The following PLA2R1 variants were observed in gnomAD, a reference collection of about 807,000 sequenced individuals.
PLA2R1 encodes the protein phospholipase A2 receptor 1.
Under a neutral mutation model 195.9 loss-of-function variants are expected in PLA2R1, and 158 were observed. The observed-to-expected ratio is 0.81, with a 90% CI of 0.71 to 0.92. The LOEUF is 0.92. Ranked by LOEUF, PLA2R1 falls within the 40% of genes least tolerant of loss-of-function variation. PLA2R1 has a pLI of 0.00. For missense variants in PLA2R1, 1,626 were observed against 1,764.6 expected, an observed-to-expected ratio of 0.92 and a Z score of 1.41; for synonymous variants, 586 against 598.2, an observed-to-expected ratio of 0.98 and a Z score of 0.30.
intron 3 of PLA2R1, among the ~76,000 whole-genome samples, chr2:160,033,667 G>C (rs543445739): frequency 6.6e-6 from 1 of 152,216 alleles, no homozygotes; most frequent in Non-Finnish European, 1.5e-5. Context: ...TTTCAGCCAA[G>C]AGGAATAGAA....
rs113782657 is a variant in PLA2R1 at position 159,934,894 on chromosome 2, C to T, written c.*6884G>A. 3.3e-5 allele frequency: 5 copies of T among 152,330 alleles called. No individual in the cohort carries two copies. Among genetic ancestry groups the T allele is most frequent in the African/African-American group, 1.2e-4 (5 of 41,570 alleles). The allele number at this position is 152,330 out of a possible 1,614,324, so 9.4% of individuals were successfully genotyped here. On this transcript the variant is annotated 3_prime_UTR_variant, in exon 30 of 30. Coordinates refer to ENST00000283243, the MANE Select transcript of PLA2R1 (RefSeq NM_007366.5). ...CCCATTTTCCCATAATGACCATTTT[C>T]TGTTCCATGATCCATTTGAGGATTT...
In PLA2R1 at chr2:159,939,392, G is replaced by A. The variant is rs1560124358; in HGVS notation, c.*2386C>T. 6.6e-6 allele frequency: 1 copy of A among 151,538 alleles called. No homozygotes were observed. Among genetic ancestry groups the A allele is most frequent in the Admixed American group, 6.6e-5 (1 of 15,152 alleles). 9.4% of individuals were successfully genotyped at this position (151,538 alleles called of 1,614,324 possible). On this transcript the variant is annotated 3_prime_UTR_variant, in exon 30 of 30. Transcript: ENST00000283243. ...ATGGTGGCATGTGCCTGTAATCACA[G>A]CTACTCGGGAGGCTGAGGCAGGAAA...
intron 28 of PLA2R1, among the ~76,000 whole-genome samples, chr2:159,942,582 T>C (rs1574635445): frequency 6.6e-6 from 1 of 152,224 alleles, no homozygotes. Context: ...TGGGATCTTA[T>C]ATGGAGTTTG....
chr2:159,978,745 A>G (rs1013906125), intron 14 of PLA2R1, among the ~76,000 whole-genome samples: 4 of 152,054 alleles, frequency 2.6e-5, no homozygotes, highest in Non-Finnish European at 5.9e-5. Context: ...AGAAAAATGG[A>G]TTAGTGGGGC....
chr2:160,017,493 A>G (rs1692844296), intron 8 of PLA2R1, among the ~76,000 whole-genome samples: 1 of 152,134 alleles, frequency 6.6e-6, no homozygotes, highest in African/African-American at 2.4e-5. Context: ...AATTCCTGGA[A>G]GCTACCATGA....
rs149314383 is a variant in PLA2R1 at position 159,936,372 on chromosome 2, T to A, written c.*5406A>T. 6.6e-6 allele frequency: 1 copy of A among 152,334 alleles called. No homozygotes were observed. The highest frequency in any genetic ancestry group is 1.5e-5 in the Non-Finnish European group (1 of 68,024). The allele number at this position is 152,334 out of a possible 1,614,324, so 9.4% of individuals were successfully genotyped here. A position where few individuals can be genotyped will look rare whatever the true frequency, so the allele number is the denominator to read the frequency against. ...ACAATTGATCAGAACAAAATAAATA[T>A]GTTACAAAGATTAAGATAGTATATG... On this transcript the variant is annotated 3_prime_UTR_variant, in exon 30 of 30. Transcript: ENST00000283243.
At chr2:159,965,042 G>T (rs1688695311) in intron 20 of PLA2R1, among the ~76,000 whole-genome samples, 1 of 149,430 alleles carries the variant, frequency 6.7e-6, no homozygotes, top group Non-Finnish European at 1.5e-5. Flanking sequence ...AAACCAGGAA[G>T]GTACAGAGAT....
Position 160,005,790 on chromosome 2 carries a change from T to C in PLA2R1, c.1696A>G (p.Ser566Gly). ...FEQAFITSLI[S>G]SVVKMKDSYF... Reference sequence around the variant, plus strand: ...CTGTCCTTCATTTTTACCACACTACTGATCAAACTGGTAATAAAAGCCTGT... The same window carrying C: ...CTGTCCTTCATTTTTACCACACTACCGATCAAACTGGTAATAAAAGCCTGT... The change falls in exon 11 of 30, where the codon AGT becomes GGT. Residue 566 changes from serine to glycine, a missense_variant. By Grantham distance (56) the Ser-to-Gly change is moderately conservative. Transcript: ENST00000283243. The C allele has an allele frequency of 6.2e-7, 1 of 1,612,740 alleles. No individual in the cohort carries two copies.
At chr2:160,054,765 CAAT>C (rs1187108810) in intron 1 of PLA2R1, among the ~76,000 whole-genome samples, 1 of 151,968 alleles carries the variant, frequency 6.6e-6, no homozygotes, top group African/African-American at 2.4e-5. Flanking sequence ...ATTTTATGAA[CAAT>C]AATATTTCTT....
chr2:160,017,759 C>T (rs1047236048), intron 8 of PLA2R1, among the ~76,000 whole-genome samples: 1 of 152,162 alleles, frequency 6.6e-6, no homozygotes, highest in African/African-American at 2.4e-5. Context: ...TAAAGTTACA[C>T]AATTCAAATT....
At chr2:159,925,244 G>A in the PLA2R1 span, among the ~76,000 whole-genome samples, 2 of 152,108 alleles carry the variant, frequency 1.3e-5, no homozygotes, top group East Asian at 3.9e-4. Context: ...TTGTGTTACG[G>A]CAATGGTAAG....
At chr2:159,966,469 T>C (rs916017166) in intron 20 of PLA2R1, among the ~76,000 whole-genome samples, 1 of 152,170 alleles carries the variant, frequency 6.6e-6, no homozygotes, top group East Asian at 1.9e-4. Context: ...TGAATGACAG[T>C]GTGAGTATGT....
chr2:159,946,464 C>T, intron 27 of PLA2R1: 1 of 1,010,144 alleles, frequency 9.9e-7, no homozygotes, highest in Non-Finnish European at 1.2e-6. Context: ...GCTTTTATAA[C>T]ATTTAGAAAC....
At chr2:159,950,940 T>C (rs1298587242) in intron 24 of PLA2R1, among the ~76,000 whole-genome samples, 3 of 152,240 alleles carry the variant, frequency 2.0e-5, no homozygotes, top group Non-Finnish European at 2.9e-5. Flanking sequence ...AACTAATTAA[T>C]AATCACATTT....
At chr2:159,955,039 A>C (rs891267448) in intron 23 of PLA2R1, among the ~76,000 whole-genome samples, 160 bp downstream of exon 23, 1 of 152,218 alleles carries the variant, frequency 6.6e-6, no homozygotes, top group Non-Finnish European at 1.5e-5. Flanking sequence ...AGGGTAGAGG[A>C]GATTAAATAA....
chr2:159,928,309 C>T (rs1686528935), downstream of PLA2R1, among the ~76,000 whole-genome samples: 1 of 152,192 alleles, frequency 6.6e-6, no homozygotes, highest in African/African-American at 2.4e-5. Flanking sequence ...GTGAGACTGC[C>T]CACACCTATG....
chr2:159,951,095 T>C (rs1687709757), intron 24 of PLA2R1, among the ~76,000 whole-genome samples: 1 of 152,206 alleles, frequency 6.6e-6, no homozygotes, highest in Admixed American at 6.5e-5. Flanking sequence ...AACCTTTGAA[T>C]GGTATTAATT....
chr2:159,966,584 G>A (rs542047002), intron 20 of PLA2R1, among the ~76,000 whole-genome samples: 1 of 152,288 alleles, frequency 6.6e-6, no homozygotes, highest in African/African-American at 2.4e-5. Context: ...AGTGCCAAAT[G>A]TCTGGTGGGT....
intron 7 of PLA2R1, 133 bp from the exon 8 acceptor site, chr2:160,020,396 T>C: frequency 1.6e-6 from 1 of 629,908 alleles, no homozygotes; most frequent in South Asian, 2.1e-5. Context: ...GAAATCTGTT[T>C]AAGTCTTGGT....
Sources: gnomAD v4.1 joint callset for allele counts (sites outside exome capture counted in the v4.1 genomes callset) on GRCh38, gnomAD v4.1.1 for gene constraint, MANE v1.5 for transcripts, NCBI Gene and HGNC (gene_info 2026-07-23, HGNC 2026-07-21) for gene names.